Variants in PIK3C2B observed in about 807,000 individuals in gnomAD.
PIK3C2B encodes phosphatidylinositol-4-phosphate 3-kinase catalytic subunit type 2 beta.
Under a neutral mutation model 184.3 loss-of-function variants are expected in PIK3C2B, and 83 were observed. That is an observed-to-expected ratio of 0.45 (90% CI 0.38 to 0.54). The LOEUF is 0.54. Ranked by LOEUF, PIK3C2B falls within the 20% of genes least tolerant of loss-of-function variation. PIK3C2B has a pLI of 0.00. For synonymous variants in PIK3C2B, 779 were observed against 837.6 expected (o/e 0.93, Z 1.21); for missense variants, 1,736 against 2,113.5 (o/e 0.82, Z 3.50).
At chr1:204,480,643 T>A (rs992926559) in intron 1 of PIK3C2B, among the ~76,000 whole-genome samples, 1 of 151,790 alleles carries the variant, frequency 6.6e-6, no homozygotes, top group Non-Finnish European at 1.5e-5. Context: ...TGACTGCCTG[T>A]AAGCCTGGGT....
At chr1:204,440,443 C>T in intron 21 of PIK3C2B, 122 bp from the exon 22 acceptor site, 1 of 980,552 alleles carries the variant, frequency 1.0e-6, no homozygotes, top group Admixed American at 2.8e-5. Context: ...CCTCACACCC[C>T]TGACCTGCTC....
At chr1:204,443,017 A>G (rs1675756403) in intron 19 of PIK3C2B, among the ~76,000 whole-genome samples, 1 of 152,248 alleles carries the variant, frequency 6.6e-6, no homozygotes, top group Admixed American at 6.5e-5. Flanking sequence ...CTGGCTGGTT[A>G]CAATGTCTTC....
chr1:204,443,302 C>A, intron 19 of PIK3C2B, 115 bp downstream of exon 19: 1 of 993,286 alleles, frequency 1.0e-6, no homozygotes, highest in South Asian at 1.6e-5. Flanking sequence ...CAGCTGCTCC[C>A]CGCTCCAAAA....
Position 204,460,908 on chromosome 1 carries a change from G to C in PIK3C2B, c.1311-247C>G, listed in dbSNP as rs61761717. ...GCCGGTATAAATATTGACTCTCTTAGATATTTATTACCCGTGTGGTAATCA... is the reference window on the plus strand; with the variant it reads ...GCCGGTATAAATATTGACTCTCTTACATATTTATTACCCGTGTGGTAATCA... On this transcript the variant is annotated intron_variant, in intron 5 of 32. Coordinates refer to ENST00000684373, the MANE Select transcript of PIK3C2B (RefSeq NM_001377334.1). Among the ~76,000 whole-genome samples the C allele has an allele frequency of 1.9e-3, 296 of 152,284 alleles. 2 individuals are homozygous for C. The highest frequency in any genetic ancestry group is 7.0e-3 in the African/African-American group (290 of 41,552).
chr1:204,484,978 T>A (rs1657469206), intron 1 of PIK3C2B, among the ~76,000 whole-genome samples: 1 of 151,380 alleles, frequency 6.6e-6, no homozygotes, highest in African/African-American at 2.4e-5. Flanking sequence ...GAAGTGGGAG[T>A]CCAGGTCCTT....
At chr1:204,445,913 C>G (rs942486174) in intron 16 of PIK3C2B, 43 bp downstream of exon 16, 1 of 1,396,520 alleles carries the variant, frequency 7.2e-7, no homozygotes. Context: ...GCCCTGGCTT[C>G]TACAAGAACA....
chr1:204,453,834 C>T (rs1572339066), intron 12 of PIK3C2B, among the ~76,000 whole-genome samples: 1 of 151,368 alleles, frequency 6.6e-6, no homozygotes, highest in East Asian at 2.0e-4. Context: ...AGTGCAATGG[C>T]ACGATCTCAG....
intron 21 of PIK3C2B, among the ~76,000 whole-genome samples, chr1:204,441,157 C>T (rs1675638870): frequency 6.6e-6 from 1 of 152,206 alleles, no homozygotes; most frequent in Non-Finnish European, 1.5e-5. Context: ...ACATGGCATT[C>T]AGCCTCTGCC....
chr1:204,457,095 G>A, intron 9 of PIK3C2B, 25 bp from the exon 10 acceptor site: 1 of 1,555,906 alleles, frequency 6.4e-7, no homozygotes, highest in South Asian at 1.2e-5. Flanking sequence ...AAGAGGGAGG[G>A]GAGCTTCAGG....
chr1:204,487,700 A>C (rs1221911702), intron 1 of PIK3C2B, among the ~76,000 whole-genome samples: 1 of 152,194 alleles, frequency 6.6e-6, no homozygotes, highest in African/African-American at 2.4e-5. Flanking sequence ...ATCTCTAGGA[A>C]ATGCTGCCTA....
chr1:204,431,730 C>T lies in PIK3C2B; in HGVS notation c.4219G>A (p.Glu1407Lys). ...TTATTGTGTAATTCCTGGAACTCCT[C>T]AAAGGTCCGCTGGATGTAGGTGGCC... ...HEATYIQRTF[E>K]EFQELHNKLR... Residue 1407 changes from glutamate to lysine, a missense_variant, in exon 28 of 33, where the codon GAG (glutamate) becomes AAG (lysine). By Grantham distance (56) the Glu-to-Lys change is moderately conservative (BLOSUM62 1). Coordinates refer to ENST00000684373, the MANE Select transcript of PIK3C2B (RefSeq NM_001377334.1). The T allele has an allele frequency of 6.2e-7, 1 of 1,614,196 alleles. No homozygotes were observed. The highest frequency in any genetic ancestry group is 8.5e-7 in the Non-Finnish European group (1 of 1,180,036).
chr1:204,463,444 T>C (rs987124869), intron 5 of PIK3C2B, among the ~76,000 whole-genome samples: 1 of 152,156 alleles, frequency 6.6e-6, no homozygotes, highest in Non-Finnish European at 1.5e-5. Context: ...CATCAGACTT[T>C]CCAGGGAGGC....
Position 204,438,156 on chromosome 1 carries a change from A to C in PIK3C2B, c.3516+779T>G, listed in dbSNP as rs138781814. 3.2e-3 allele frequency among the ~76,000 whole-genome samples: 488 copies of C among 152,348 alleles called. 4 individuals carry two copies. The highest frequency in any genetic ancestry group is 0.011 in the African/African-American group (476 of 41,580). ...TAAAGTACATTGATCAATATAAATC[A>C]GTATTTGGGTCCCTTGAAGTTAAAA... On this transcript the variant is annotated intron_variant, in intron 23 of 32. Coordinates refer to ENST00000684373, the MANE Select transcript of PIK3C2B (RefSeq NM_001377334.1).
In PIK3C2B at chr1:204,444,005, G is replaced by A. The variant is rs985504880; in HGVS notation, c.2867+63C>T. 22 of 1,146,808 alleles carry A rather than the reference G, an allele frequency of 1.9e-5. No homozygotes were observed. The Admixed American group carries it at 2.4e-4, about 12-fold the overall frequency. 71.0% of individuals were successfully genotyped at this position (1,146,808 alleles called of 1,614,324 possible). A position where few individuals can be genotyped will look rare whatever the true frequency, so the allele number is the denominator to read the frequency against. Reference sequence around the variant, plus strand: ...CAGTTCCTTGCCCTTGCGTGCCTAAGAGTGAAATACTCCTACGTGAAAGAC... The same window carrying A: ...CAGTTCCTTGCCCTTGCGTGCCTAAAAGTGAAATACTCCTACGTGAAAGAC... On this transcript the variant is annotated intron_variant, in intron 18 of 32. Coordinates refer to ENST00000684373, the MANE Select transcript of PIK3C2B (RefSeq NM_001377334.1).
At position 204,433,740 on chromosome 1, in the gene PIK3C2B, G is replaced by A. The variant is rs1466874772; in HGVS notation, c.3843+53C>T. The A allele has an allele frequency of 2.0e-6, 3 of 1,532,666 alleles. No individual in the cohort carries two copies. Among genetic ancestry groups the A allele is most frequent in the Non-Finnish European group, 1.8e-6 (2 of 1,107,862 alleles). The allele number at this position is 1,532,666 out of a possible 1,614,324, so 94.9% of individuals were successfully genotyped here. ...TGCGGCAAGACAGGGAAGTCTTAAA[G>A]ATGATGCCAGATAATAAGAAGAAGG... On this transcript the variant is annotated intron_variant, in intron 25 of 32. Coordinates refer to ENST00000684373, the MANE Select transcript of PIK3C2B (RefSeq NM_001377334.1). The surrounding 1 kb of genome is among the most constrained non-coding windows in gnomAD (Gnocchi z 5.0).
chr1:204,493,506 G>A (rs868467511), intron 1 of PIK3C2B, among the ~76,000 whole-genome samples: 2 of 114,720 alleles, frequency 1.7e-5, no homozygotes, highest in Middle Eastern at 5.0e-3. Flanking sequence ...GCCTGAAGGA[G>A]CAAGAGCAAT....
Position 204,454,692 on chromosome 1 carries a change from G to A in PIK3C2B, c.2043C>T (p.Phe681=), listed in dbSNP as rs1309620883. 1 of 1,613,058 alleles carries A rather than the reference G, an allele frequency of 6.2e-7. No individual in the cohort carries two copies. Among genetic ancestry groups the A allele is most frequent in the East Asian group, 2.2e-5 (1 of 44,880 alleles). ...ACTGCTGGTCCCAGACGATGAGGTG[G>A]AAGAGGTACTTGGAGAAGTGAGCTC... ...TRRAHFSKYL[F]HLIVWDQQIC... is the part of the protein sequence containing the mutation. Residue 681 remains phenylalanine (F), a synonymous_variant, in exon 12 of 33, where the codon TTC becomes TTT. Coordinates refer to ENST00000684373, the MANE Select transcript of PIK3C2B (RefSeq NM_001377334.1).
intron 1 of PIK3C2B, among the ~76,000 whole-genome samples, chr1:204,479,480 T>G (rs1656962425): frequency 6.6e-6 from 1 of 152,022 alleles, no homozygotes; most frequent in Non-Finnish European, 1.5e-5. Flanking sequence ...CAGCCCATCC[T>G]GTATCAGAAA....
chr1:204,467,023 G>A (rs755160667), intron 2 of PIK3C2B: 6 of 465,338 alleles, frequency 1.3e-5, no homozygotes, highest in South Asian at 9.7e-5. Flanking sequence ...GAGCCGGGGA[G>A]GACCAAGGCC....
Sources: gnomAD v4.1 joint callset for allele counts (sites outside exome capture counted in the v4.1 genomes callset) on GRCh38, gnomAD v4.1.1 for gene constraint, Gnocchi (gnomAD v3.1) non-coding constraint, MANE v1.5 for transcripts, NCBI Gene and HGNC (gene_info 2026-07-23, HGNC 2026-07-21) for gene names.